The following APOOL variants were observed in gnomAD, a reference collection of about 807,000 sequenced individuals.
APOOL encodes apolipoprotein O like, also known as MICOS complex subunit MIC27.
In APOOL, 12 loss-of-function variants were observed where a neutral mutation model predicts 23.1. The observed-to-expected ratio is 0.52, with a 90% CI of 0.33 to 0.84. APOOL has a LOEUF of 0.84. APOOL is among the 40% of genes least tolerant of loss of function. The pLI is 0.02. For missense variants in APOOL, 212 were observed against 199.6 expected (o/e 1.06, Z -0.37); for synonymous variants, 77 against 69.9 (o/e 1.10, Z -0.51).
At chrX:85,005,143 T>C (rs1398699806) in intron 1 of APOOL, among the ~76,000 whole-genome samples, 1 of 107,720 alleles carries the variant, frequency 9.3e-6, no homozygotes, top group African/African-American at 3.6e-5. Flanking sequence ...TATTTTATTT[T>C]ATTTTATTTT....
intron 1 of APOOL, among the ~76,000 whole-genome samples, chrX:85,016,593 G>A (rs758698037): frequency 2.7e-5 from 3 of 111,217 alleles, no homozygotes; most frequent in Admixed American, 9.5e-5. Context: ...GTTCCAGCAA[G>A]CCTGTCTATA....
chrX:85,066,636 T>TAA (rs777862322), intron 5 of APOOL, among the ~76,000 whole-genome samples: 147 of 111,237 alleles, frequency 1.3e-3, no homozygotes, highest in African/African-American at 4.5e-3. Flanking sequence ...ATGAAGGAGT[T>TAA]ATGTACCTGT....
chrX:85,093,195 C>G lies in APOOL; in HGVS notation c.*5517C>G. 8.6e-7 allele frequency: 1 copy of G among 1,164,081 alleles called. No homozygotes were observed. Among genetic ancestry groups the G allele is most frequent in the Non-Finnish European group, 1.1e-6 (1 of 870,150 alleles). On this transcript the variant is annotated 3_prime_UTR_variant, in exon 9 of 9. Coordinates refer to ENST00000373173, the MANE Select transcript of APOOL (RefSeq NM_198450.6). ...AATTGTAATACATACCTGACTTAGC[C>G]TCTTCAGCATTTCAGCTCCAATACC...
intron 8 of APOOL, among the ~76,000 whole-genome samples, chrX:85,086,686 T>C (rs1409217611): frequency 9.0e-6 from 1 of 110,862 alleles, no homozygotes; most frequent in East Asian, 2.9e-4. Flanking sequence ...TAGTTTCTTT[T>C]CCCCATAGCC....
chrX:85,009,649 C>T (rs1338202890), intron 1 of APOOL, among the ~76,000 whole-genome samples: 1 of 109,331 alleles, frequency 9.1e-6, no homozygotes, highest in Non-Finnish European at 1.9e-5. Context: ...TTTTTTTCAA[C>T]TTCTATTTTA....
chrX:85,007,514 G>A (rs1011743057), intron 1 of APOOL, among the ~76,000 whole-genome samples: 1 of 111,534 alleles, frequency 9.0e-6, no homozygotes, highest in Non-Finnish European at 1.9e-5. Flanking sequence ...GAAATTTCAA[G>A]CATTTAGGAT....
At position 85,051,227 on chromosome X, in the gene APOOL, A is replaced by G. The variant is rs1016895940; in HGVS notation, c.121-162A>G. On this transcript the variant is annotated intron_variant, in intron 2 of 8. Coordinates refer to ENST00000373173, the MANE Select transcript of APOOL (RefSeq NM_198450.6). Reference sequence around the variant, plus strand: ...TTTAAACGGTCTTTATAAACAGTTTACCACATCATTCCTGTATTTAAGATG... The same window carrying G: ...TTTAAACGGTCTTTATAAACAGTTTGCCACATCATTCCTGTATTTAAGATG... Among the ~76,000 whole-genome samples the G allele has an allele frequency of 1.1e-4, 12 of 111,936 alleles. No homozygotes were observed. In the Admixed American group the frequency reaches 1.1e-3, roughly 11 times the overall value.
At position 85,090,194 on chromosome X, in the gene APOOL, G is replaced by A. The variant is rs985772489; in HGVS notation, c.*2516G>A. 3.6e-5 allele frequency: 4 copies of A among 111,134 alleles called. No individual in the cohort carries two copies. The highest frequency in any genetic ancestry group is 9.6e-5 in the Admixed American group (1 of 10,411). 9.2% of individuals were successfully genotyped at this position (111,134 alleles called of 1,213,427 possible). ...GCAGATAAAAATGTACACAAGATGCGTCTGACTCCCTTTTACCAGAAAAGT... is the reference window on the plus strand; with the variant it reads ...GCAGATAAAAATGTACACAAGATGCATCTGACTCCCTTTTACCAGAAAAGT... On this transcript the variant is annotated 3_prime_UTR_variant, in exon 9 of 9. Transcript: ENST00000373173.
chrX:85,063,689 C>T (rs1923325939), intron 5 of APOOL, among the ~76,000 whole-genome samples: 1 of 111,361 alleles, frequency 9.0e-6, no homozygotes, highest in Non-Finnish European at 1.9e-5. Flanking sequence ...ATATGTTGAA[C>T]CAGCCTTTCA....
At chrX:85,063,644 C>A (rs1301717795) in intron 5 of APOOL, among the ~76,000 whole-genome samples, 1 of 111,056 alleles carries the variant, frequency 9.0e-6, no homozygotes, top group Non-Finnish European at 1.9e-5. Flanking sequence ...GTCTTTAGTT[C>A]TTTTTACGTG....
chrX:85,026,338 G>A (rs1172604502), intron 1 of APOOL, among the ~76,000 whole-genome samples: 1 of 112,960 alleles, frequency 8.9e-6, no homozygotes, highest in East Asian at 2.8e-4. Context: ...GGGCCCCTGG[G>A]CCTGTGATGG....
At position 85,009,101 on chromosome X, in the gene APOOL, T is replaced by C. The variant is rs149430410; in HGVS notation, c.15+5174T>C. On this transcript the variant is annotated intron_variant, in intron 1 of 8. Transcript: ENST00000373173. The stretch of plus-strand genomic sequence containing the variant: ...GTAACTGCTTTTTTGTATGTTGACT[T>C]TGTATGCTGCAGTTCCCTGAGTTTA... Among the ~76,000 whole-genome samples, 507 of 112,003 alleles carry C rather than the reference T, an allele frequency of 4.5e-3. 3 individuals carry two copies. The highest frequency in any genetic ancestry group is 0.016 in the African/African-American group (485 of 30,875).
chrX:85,065,671 AAG>A (rs1325331680), intron 5 of APOOL, among the ~76,000 whole-genome samples: 13 of 110,996 alleles, frequency 1.2e-4, no homozygotes, highest in African/African-American at 4.3e-4. Flanking sequence ...TTATCAGGTA[AAG>A]AGAGGATGAC....
rs1922780716 is a variant in APOOL, at chrX:85,051,528, G to A, written c.240+20G>A. ...TGCAAGGTAAGTCAATTCTGATAGTGGTTTAATATCAGAGATTTCTGATTA... is the reference window on the plus strand; with the variant it reads ...TGCAAGGTAAGTCAATTCTGATAGTAGTTTAATATCAGAGATTTCTGATTA... On this transcript the variant is annotated intron_variant, in intron 3 of 8. Coordinates refer to ENST00000373173, the MANE Select transcript of APOOL (RefSeq NM_198450.6). 5.8e-6 allele frequency: 7 copies of A among 1,208,988 alleles called. No individual in the cohort carries two copies. The highest frequency in any genetic ancestry group is 7.8e-6 in the Non-Finnish European group (7 of 893,666).
chrX:85,084,515 C>G (rs1295931025), intron 8 of APOOL, among the ~76,000 whole-genome samples: 1 of 108,729 alleles, frequency 9.2e-6, no homozygotes, highest in African/African-American at 3.4e-5. Flanking sequence ...ATCACAATTA[C>G]TTGAGGGTTT....
At chrX:85,083,729 G>C (rs1039449562) in intron 8 of APOOL, among the ~76,000 whole-genome samples, 2 of 111,801 alleles carry the variant, frequency 1.8e-5, no homozygotes, top group Non-Finnish European at 3.8e-5. Flanking sequence ...CAATTTATTA[G>C]TTATCTGTCC....
chrX:85,003,975 C>G, intron 1 of APOOL, 48 bp downstream of exon 1: 1 of 1,202,827 alleles, frequency 8.3e-7, no homozygotes. Flanking sequence ...CGATAGCATC[C>G]CGGTAACTGT....
At chrX:85,008,060 T>G (rs1411434473) in intron 1 of APOOL, among the ~76,000 whole-genome samples, 2 of 111,620 alleles carry the variant, frequency 1.8e-5, no homozygotes, top group Admixed American at 9.5e-5. Flanking sequence ...ATTCAAGATG[T>G]CCCCAGGGAA....
intron 6 of APOOL, among the ~76,000 whole-genome samples, chrX:85,069,031 T>G (rs1358811886): frequency 8.9e-6 from 1 of 112,047 alleles, no homozygotes; most frequent in Non-Finnish European, 1.9e-5. Context: ...ATTGCTGAAC[T>G]TCAAATAAAA....
Sources: gnomAD v4.1 joint callset for allele counts (sites outside exome capture counted in the v4.1 genomes callset) on GRCh38, gnomAD v4.1.1 for gene constraint, MANE v1.5 for transcripts, NCBI Gene and HGNC (gene_info 2026-07-23, HGNC 2026-07-21) for gene names.